Variants in SLC25A21 observed in about 807,000 individuals in gnomAD.
SLC25A21 encodes the protein solute carrier family 25 member 21.
A neutral mutation model predicts 43.8 loss-of-function variants in SLC25A21; 47 were observed. That is an observed-to-expected ratio of 1.07 (90% CI 0.85 to 1.37). The LOEUF (loss-of-function observed/expected upper bound fraction) is 1.37, where lower values mean the gene tolerates loss of function less well. Among genes scored for constraint, SLC25A21 ranks in the 40% most tolerant of loss-of-function variants. SLC25A21 has a pLI of 0.00. For synonymous variants in SLC25A21, 131 were observed against 121.3 expected, an observed-to-expected ratio of 1.08 and a Z score of -0.52; for missense variants, 352 against 350.2, an observed-to-expected ratio of 1.00 and a Z score of -0.04.
At chr14:37,034,145 T>C (rs894791237) in intron 1 of SLC25A21, among the ~76,000 whole-genome samples, 2 of 151,980 alleles carry the variant, frequency 1.3e-5, no homozygotes, top group African/African-American at 4.8e-5. Context: ...GCTTCCTGAG[T>C]AGCTGGTACT....
At position 37,063,214 on chromosome 14, in the gene SLC25A21, T is replaced by C. The variant is rs1284322037; in HGVS notation, c.70+109067A>G. On this transcript the variant is annotated intron_variant, in intron 1 of 9. Coordinates refer to ENST00000331299, the MANE Select transcript of SLC25A21 (RefSeq NM_030631.4). Reference sequence around the variant, plus strand: ...TGGGAACTACAATTCAAGATGAGATTTGGGTCCAGGTGAGGTGGCTCACAC... The same window carrying C: ...TGGGAACTACAATTCAAGATGAGATCTGGGTCCAGGTGAGGTGGCTCACAC... Among the ~76,000 whole-genome samples the C allele has an allele frequency of 2.6e-5, 4 of 152,004 alleles. No homozygotes were observed. The East Asian group carries it at 5.8e-4, about 22-fold the overall frequency.
intron 1 of SLC25A21, among the ~76,000 whole-genome samples, chr14:36,980,241 G>A (rs1566788520): frequency 1.3e-5 from 2 of 152,060 alleles, no homozygotes; most frequent in African/African-American, 4.8e-5. Flanking sequence ...TGCCCTTCTC[G>A]AGGAGTATCT....
chr14:36,739,534 T>C (rs929548897), intron 3 of SLC25A21, among the ~76,000 whole-genome samples: 6 of 152,034 alleles, frequency 3.9e-5, no homozygotes, highest in African/African-American at 1.4e-4. Flanking sequence ...AAAAATTAGC[T>C]GGGTGTGGTG....
chr14:37,098,786 C>CAGATAGATAGATAGATAGATAGATAGAT (rs1407209801), intron 1 of SLC25A21, among the ~76,000 whole-genome samples: 2 of 139,168 alleles, frequency 1.4e-5, no homozygotes, highest in African/African-American at 5.9e-5. Context: ...GACAGACAGA[C>CAGATAGATAGATAGATAGATAGATAGAT]AGATAGATAG....
At chr14:37,013,873 AT>A (rs1178414155) in intron 1 of SLC25A21, among the ~76,000 whole-genome samples, 1 of 152,070 alleles carries the variant, frequency 6.6e-6, no homozygotes, top group Non-Finnish European at 1.5e-5. Context: ...AGTCACATGA[AT>A]TTTTTGGTTT....
intron 1 of SLC25A21, among the ~76,000 whole-genome samples, chr14:37,157,253 T>G: frequency 6.6e-6 from 1 of 151,896 alleles, no homozygotes; most frequent in Admixed American, 6.6e-5. Flanking sequence ...CCCAGCTTCT[T>G]GGGAGGCTGA....
chr14:37,119,682 A>G (rs2138888919), intron 1 of SLC25A21, among the ~76,000 whole-genome samples: 1 of 152,314 alleles, frequency 6.6e-6, no homozygotes, highest in African/African-American at 2.4e-5. Context: ...ACTTGCTTTC[A>G]CTTTATTCTA....
rs74047035 is a variant in SLC25A21 at position 36,879,398 on chromosome 14, G to C, written c.71-4394C>G. On this transcript the variant is annotated intron_variant, in intron 1 of 9. Transcript: ENST00000331299. ...CTAGACAAAATACTGATTTTATAAGGCTGAACATTATAAAAATTAGAAAAG... is the reference window on the plus strand; with the variant it reads ...CTAGACAAAATACTGATTTTATAAGCCTGAACATTATAAAAATTAGAAAAG... 6.6e-3 allele frequency among the ~76,000 whole-genome samples: 1,011 copies of C among 152,080 alleles called. 18 individuals carry two copies. Among genetic ancestry groups the C allele is most frequent in the African/African-American group, 0.023 (970 of 41,496 alleles).
intron 1 of SLC25A21, among the ~76,000 whole-genome samples, chr14:36,995,490 G>A (rs1960352905): frequency 6.6e-6 from 1 of 152,060 alleles, no homozygotes; most frequent in South Asian, 2.1e-4. Flanking sequence ...TTGACTGTAG[G>A]TCATGTGTTG....
At chr14:36,759,148 A>T (rs949181702) in intron 3 of SLC25A21, among the ~76,000 whole-genome samples, 4 of 152,010 alleles carry the variant, frequency 2.6e-5, no homozygotes, top group Admixed American at 6.5e-5. Context: ...ATTTTTTTTT[A>T]AAACCCTGCA....
chr14:36,748,048 C>T (rs1885564828), intron 3 of SLC25A21, among the ~76,000 whole-genome samples: 1 of 152,204 alleles, frequency 6.6e-6, no homozygotes. Context: ...AGATACTATT[C>T]TCTCAGCGAA....
At chr14:36,794,815 A>G in intron 3 of SLC25A21, among the ~76,000 whole-genome samples, 1 of 152,148 alleles carries the variant, frequency 6.6e-6, no homozygotes, top group Non-Finnish European at 1.5e-5. Flanking sequence ...TCCAAGGAAT[A>G]AAAATTAAAG....
chr14:36,918,815 C>G (rs1220735208), intron 1 of SLC25A21, among the ~76,000 whole-genome samples: 1 of 151,880 alleles, frequency 6.6e-6, no homozygotes, highest in Non-Finnish European at 1.5e-5. Context: ...ACAAAAAAGA[C>G]CAAATGGGGA....
intron 1 of SLC25A21, among the ~76,000 whole-genome samples, chr14:36,901,078 A>C (rs1178579160): frequency 6.6e-6 from 1 of 152,240 alleles, no homozygotes; most frequent in African/African-American, 2.4e-5. Context: ...CTAAGACATT[A>C]GGTCATGAGA....
chr14:36,855,855 T>C (rs982532906), intron 2 of SLC25A21, among the ~76,000 whole-genome samples: 9 of 152,206 alleles, frequency 5.9e-5, no homozygotes, highest in African/African-American at 2.2e-4. Context: ...CCAGTGGTTC[T>C]CAACAGGGGT....
intron 1 of SLC25A21, among the ~76,000 whole-genome samples, chr14:36,922,614 G>T (rs905982866): frequency 1.3e-5 from 2 of 151,896 alleles, no homozygotes; most frequent in Non-Finnish European, 2.9e-5. Flanking sequence ...AGAACTATGA[G>T]GGAGTTGGAG....
At chr14:36,799,378 G>A (rs2138416974) in intron 3 of SLC25A21, among the ~76,000 whole-genome samples, 1 of 152,218 alleles carries the variant, frequency 6.6e-6, no homozygotes, top group Middle Eastern at 3.4e-3. Flanking sequence ...TGGAGTTTAA[G>A]GAGAAAGATG....
intron 1 of SLC25A21, among the ~76,000 whole-genome samples, chr14:37,117,355 A>G (rs777594688): frequency 6.6e-6 from 1 of 152,192 alleles, no homozygotes; most frequent in Admixed American, 6.5e-5. Flanking sequence ...TTTATTTACC[A>G]TAAGATGTGG....
At chr14:36,909,023 C>T (rs1891610382) in intron 1 of SLC25A21, among the ~76,000 whole-genome samples, 1 of 151,970 alleles carries the variant, frequency 6.6e-6, no homozygotes, top group Non-Finnish European at 1.5e-5. Flanking sequence ...TGTCCATAAC[C>T]AGGATAGGAG....
Sources: allele counts gnomAD v4.1 joint callset (sites outside exome capture counted in the v4.1 genomes callset), GRCh38; gene constraint gnomAD v4.1.1; transcripts MANE v1.5; gene names NCBI Gene and HGNC (gene_info 2026-07-23, HGNC 2026-07-21).